ARSJ: variants seen among roughly 807,000 people sequenced by gnomAD.
ARSJ encodes arylsulfatase J.
A neutral mutation model predicts 35.9 loss-of-function variants in ARSJ; 26 were observed. The ratio of observed to expected loss-of-function variants is 0.72; its 90% CI spans 0.53 to 1.00. ARSJ has a LOEUF of 1.00. Among genes scored for constraint, ARSJ ranks in the 50% least tolerant of loss-of-function variants. The pLI, the probability that ARSJ is intolerant of heterozygous loss-of-function variation, is 0.00. For missense variants in ARSJ, 667 were observed against 723.6 expected (o/e 0.92, Z 0.90); for synonymous variants, 294 against 267.6 (o/e 1.10, Z -0.96).
At chr4:113,914,176 G>A (rs934214067) in intron 1 of ARSJ, among the ~76,000 whole-genome samples, 1 of 151,982 alleles carries the variant, frequency 6.6e-6, no homozygotes, top group Non-Finnish European at 1.5e-5. Context: ...GTTTCACTAT[G>A]TTGGCCAGGC....
At chr4:113,948,399 T>C (rs1562363695) in intron 1 of ARSJ, among the ~76,000 whole-genome samples, 1 of 152,124 alleles carries the variant, frequency 6.6e-6, no homozygotes, top group African/African-American at 2.4e-5. Context: ...TTTAAAATTG[T>C]TATTCTTTTC....
chr4:113,910,792 A>G (rs965824258), intron 1 of ARSJ, among the ~76,000 whole-genome samples: 6 of 152,152 alleles, frequency 3.9e-5, no homozygotes, highest in African/African-American at 1.4e-4. Context: ...TGGGGATTAC[A>G]ACAGGTGAAT....
chr4:113,958,044 T>C (rs944380939), intron 1 of ARSJ, among the ~76,000 whole-genome samples: 4 of 152,082 alleles, frequency 2.6e-5, no homozygotes, highest in Admixed American at 6.6e-5. Flanking sequence ...GGGAGCCTTT[T>C]AAAAGAAACT....
chr4:113,955,368 C>G (rs1047034573), intron 1 of ARSJ, among the ~76,000 whole-genome samples: 10 of 151,540 alleles, frequency 6.6e-5, no homozygotes, highest in Non-Finnish European at 1.2e-4. Flanking sequence ...TTGCCAGCTT[C>G]TTTTAGGTCG....
At chr4:113,910,182 T>C (rs1249196922) in intron 1 of ARSJ, among the ~76,000 whole-genome samples, 2 of 152,170 alleles carry the variant, frequency 1.3e-5, no homozygotes, top group Non-Finnish European at 2.9e-5. Context: ...TACTGCCAAC[T>C]TAAAAGAAAA....
At chr4:113,943,935 T>C (rs4364328) in intron 1 of ARSJ, among the ~76,000 whole-genome samples, 116,616 of 151,872 alleles carry the variant, frequency 0.77, 44,837 homozygotes, top group East Asian at 0.8. Flanking sequence ...CTGAGTCTTG[T>C]AATTTGGATT....
At chr4:113,926,743 T>C (rs1284781979) in intron 1 of ARSJ, among the ~76,000 whole-genome samples, 2 of 152,188 alleles carry the variant, frequency 1.3e-5, no homozygotes, top group Admixed American at 6.5e-5. Context: ...ATCCAGTTCA[T>C]GATAGGCAGT....
rs1037433215 is a variant in ARSJ at position 113,900,785 on chromosome 4, A to G, written c.*1489T>C. Reference sequence around the variant, plus strand: ...AATCTATGCTCATTGATGACCCATGATAAACTTCATTACTGATAATACTCC... The same window carrying G: ...AATCTATGCTCATTGATGACCCATGGTAAACTTCATTACTGATAATACTCC... On this transcript the variant is annotated 3_prime_UTR_variant, in exon 2 of 2. Transcript: ENST00000315366. 2 of 152,188 alleles carry G rather than the reference A, an allele frequency of 1.3e-5. No homozygotes were observed. Among genetic ancestry groups the G allele is most frequent in the African/African-American group, 2.4e-5 (1 of 41,444 alleles). The allele number at this position is 152,188 out of a possible 1,614,324, so 9.4% of individuals were successfully genotyped here. A position where few individuals can be genotyped will look rare whatever the true frequency, so the allele number is the denominator to read the frequency against.
chr4:113,957,819 T>C (rs779932119), intron 1 of ARSJ, among the ~76,000 whole-genome samples: 42 of 152,104 alleles, frequency 2.8e-4, no homozygotes, highest in Non-Finnish European at 5.0e-4. Flanking sequence ...TCTTAATTGT[T>C]ATGATGTAAC....
intron 1 of ARSJ, among the ~76,000 whole-genome samples, chr4:113,952,210 CT>C (rs1202609969): frequency 6.6e-6 from 1 of 152,014 alleles, no homozygotes; most frequent in Non-Finnish European, 1.5e-5. Flanking sequence ...GCTGGCACCA[CT>C]GCAAGAAATT....
chr4:113,946,865 C>G (rs1725522300), intron 1 of ARSJ, among the ~76,000 whole-genome samples: 1 of 152,012 alleles, frequency 6.6e-6, no homozygotes, highest in Non-Finnish European at 1.5e-5. Context: ...TCCTTATTTT[C>G]TCTTCTAAAA....
At position 113,937,001 on chromosome 4, in the gene ARSJ, C is replaced by T. The variant is rs181606808; in HGVS notation, c.399-33326G>A. On this transcript the variant is annotated intron_variant, in intron 1 of 1. Transcript: ENST00000315366. ...GCAATCTTGTAAAATTCAAAAAACA[C>T]ACAAAACTATTTTCAAAGAAAGTTA... Among the ~76,000 whole-genome samples, 78 of 151,924 alleles carry T rather than the reference C, an allele frequency of 5.1e-4. 1 individual carries two copies. Among genetic ancestry groups the T allele is most frequent in the African/African-American group, 1.6e-3 (65 of 41,488 alleles).
intron 1 of ARSJ, among the ~76,000 whole-genome samples, chr4:113,976,189 A>G (rs1727580680): frequency 6.6e-6 from 1 of 152,218 alleles, no homozygotes; most frequent in East Asian, 1.9e-4. Flanking sequence ...TAATAGAATC[A>G]AAAGTAACTT....
intron 1 of ARSJ, among the ~76,000 whole-genome samples, chr4:113,945,957 G>A (rs1725451053): frequency 6.6e-6 from 1 of 152,006 alleles, no homozygotes; most frequent in African/African-American, 2.4e-5. Context: ...TTCAAGCAGA[G>A]TGATCTAGGA....
intron 1 of ARSJ, among the ~76,000 whole-genome samples, chr4:113,976,159 T>C (rs1013563744): frequency 2.0e-5 from 3 of 152,182 alleles, no homozygotes; most frequent in African/African-American, 7.2e-5. Flanking sequence ...CAGAAAAATA[T>C]AAAGGGAGGG....
At chr4:113,967,068 T>G (rs1490903186) in intron 1 of ARSJ, among the ~76,000 whole-genome samples, 3 of 152,152 alleles carry the variant, frequency 2.0e-5, no homozygotes, top group Admixed American at 1.3e-4. Context: ...GGTGATAGGA[T>G]AGAGAAATTT....
intron 1 of ARSJ, among the ~76,000 whole-genome samples, chr4:113,941,176 A>G (rs951313384): frequency 2.6e-5 from 4 of 152,042 alleles, no homozygotes; most frequent in African/African-American, 7.2e-5. Context: ...TGATATGTGC[A>G]GCAACATGAG....
intron 1 of ARSJ, among the ~76,000 whole-genome samples, chr4:113,914,204 C>G (rs1170793704): frequency 6.6e-6 from 1 of 152,034 alleles, no homozygotes; most frequent in African/African-American, 2.4e-5. Context: ...GAACTCCTGA[C>G]CTCATAATCC....
At chr4:113,960,856 A>T (rs1726500855) in intron 1 of ARSJ, among the ~76,000 whole-genome samples, 1 of 152,078 alleles carries the variant, frequency 6.6e-6, no homozygotes, top group South Asian at 2.1e-4. Flanking sequence ...AGCCTGCCTT[A>T]GAAGGAAGGG....
Sources: gnomAD v4.1 joint callset for allele counts (sites outside exome capture counted in the v4.1 genomes callset) on GRCh38, gnomAD v4.1.1 for gene constraint, MANE v1.5 for transcripts, NCBI Gene and HGNC (gene_info 2026-07-23, HGNC 2026-07-21) for gene names.